Variants in ZSWIM6 observed in about 807,000 individuals in gnomAD.
ZSWIM6 encodes the protein zinc finger SWIM domain-containing protein 6.
In ZSWIM6, 9 loss-of-function variants were observed where a neutral mutation model predicts 113.2. The ratio of observed to expected loss-of-function variants is 0.08; its 90% CI spans 0.05 to 0.14. The LOEUF (loss-of-function observed/expected upper bound fraction) is 0.14. ZSWIM6 is among the 10% of genes least tolerant of loss of function. ZSWIM6 has a pLI of 1.00. For synonymous variants in ZSWIM6, 611 were observed against 606.5 expected (o/e 1.01, Z -0.11); for missense variants, 1,162 against 1,552.2 (o/e 0.75, Z 4.22).
intron 1 of ZSWIM6, among the ~76,000 whole-genome samples, chr5:61,422,063 T>C (rs1746365821): frequency 6.6e-6 from 1 of 152,230 alleles, no homozygotes; most frequent in African/African-American, 2.4e-5. Context: ...TTTTAAATAA[T>C]AAATTGATGT....
At chr5:61,494,782 C>A (rs899489661) in intron 4 of ZSWIM6, among the ~76,000 whole-genome samples, 1 of 152,092 alleles carries the variant, frequency 6.6e-6, no homozygotes, top group African/African-American at 2.4e-5. Flanking sequence ...TTTCTTCCCC[C>A]TTCTCCCCAC....
intron 1 of ZSWIM6, among the ~76,000 whole-genome samples, chr5:61,396,937 T>G (rs1249346133): frequency 6.6e-6 from 1 of 152,196 alleles, no homozygotes; most frequent in Non-Finnish European, 1.5e-5. Context: ...ATAATAACAA[T>G]AAATTTGTTT....
At chr5:61,395,670 G>T (rs1745823438) in intron 1 of ZSWIM6, among the ~76,000 whole-genome samples, 1 of 152,126 alleles carries the variant, frequency 6.6e-6, no homozygotes, top group East Asian at 1.9e-4. Context: ...TATCAGGAAA[G>T]ATTAATATTT....
chr5:61,430,692 T>C (rs1746561079), intron 1 of ZSWIM6, among the ~76,000 whole-genome samples: 1 of 152,188 alleles, frequency 6.6e-6, no homozygotes, highest in South Asian at 2.1e-4. Context: ...TAATCCCCTC[T>C]TATAGTGAGG....
rs192637092 is a variant in ZSWIM6 at position 61,443,944 on chromosome 5, A to T, written c.677-28737A>T. On this transcript the variant is annotated intron_variant, in intron 1 of 13. Transcript: ENST00000252744. ...GTTTGACTATAAGCTAAGACTTTTTAAAAAATTTTATTATTATTATACTTT... is the reference window on the plus strand; with the variant it reads ...GTTTGACTATAAGCTAAGACTTTTTTAAAAATTTTATTATTATTATACTTT... Among the ~76,000 whole-genome samples the T allele has an allele frequency of 5.0e-3, 768 of 152,204 alleles. 6 individuals are homozygous for T. Among genetic ancestry groups the T allele is most frequent in the Non-Finnish European group, 8.3e-3 (562 of 67,980 alleles).
chr5:61,369,632 C>T (rs571569506), intron 1 of ZSWIM6, among the ~76,000 whole-genome samples: 83 of 152,240 alleles, frequency 5.5e-4, no homozygotes, highest in African/African-American at 2.0e-3. Context: ...CTATTTATGT[C>T]TGCTTACTTG....
At chr5:61,496,453 C>G (rs1748317041) in intron 4 of ZSWIM6, among the ~76,000 whole-genome samples, 1 of 152,114 alleles carries the variant, frequency 6.6e-6, no homozygotes, top group Non-Finnish European at 1.5e-5. Context: ...AAAGGCTTTT[C>G]TTCTTAATAA....
chr5:61,513,126 C>T (rs1357935985), intron 4 of ZSWIM6, among the ~76,000 whole-genome samples: 1 of 152,082 alleles, frequency 6.6e-6, no homozygotes, highest in Non-Finnish European at 1.5e-5. Flanking sequence ...TGTTCCTATT[C>T]ATCTCTTCCT....
intron 1 of ZSWIM6, among the ~76,000 whole-genome samples, chr5:61,356,731 A>AAT (rs55676864): frequency 0.64 from 83,786 of 130,930 alleles, 27,364 homozygotes; most frequent in East Asian, 0.77. Flanking sequence ...CATAATATAT[A>AAT]ATATATATTA....
intron 5 of ZSWIM6, among the ~76,000 whole-genome samples, chr5:61,523,864 G>T (rs757528677): frequency 1.3e-5 from 2 of 152,094 alleles, no homozygotes; most frequent in African/African-American, 2.4e-5. Context: ...GTGTGTGTAC[G>T]CAACATTTCT....
chr5:61,526,057 A>G (rs1012338540), intron 6 of ZSWIM6, 81 bp downstream of exon 6: 20 of 1,490,260 alleles, frequency 1.3e-5, no homozygotes, highest in Non-Finnish European at 9.1e-7. Context: ...TGGGAGGTGG[A>G]GAACTGAAGG....
rs1268983438 is a variant in ZSWIM6, at chr5:61,543,721, C to A, written c.3052C>A (p.Leu1018Ile). ...IAFETAYQIVLDAATTGMSYT... is the reference protein window; with the variant it reads ...IAFETAYQIVIDAATTGMSYT... ...TTTTGAGACGGCGTACCAAATTGTT[C>A]TCGACGCTGCTACGACTGGCATGAG... The change falls in exon 14 of 14, where the codon CTC (leucine) becomes ATC (isoleucine). Residue 1018 changes from leucine (L) to isoleucine (I), a missense_variant. This residue lies in a region of ZSWIM6 where 620 missense variants were observed against 804.6 expected (regional missense o/e 0.77). Transcript: ENST00000252744. The surrounding 1 kb of genome is among the most constrained non-coding windows in gnomAD (Gnocchi z 4.3). 1 of 1,551,522 alleles carries A rather than the reference C, an allele frequency of 6.4e-7. No homozygotes were observed. Among genetic ancestry groups the A allele is most frequent in the Non-Finnish European group, 8.7e-7 (1 of 1,147,018 alleles).
intron 4 of ZSWIM6, among the ~76,000 whole-genome samples, chr5:61,516,872 T>TC (rs1748959744): frequency 6.6e-6 from 1 of 152,074 alleles, no homozygotes; most frequent in Non-Finnish European, 1.5e-5. Flanking sequence ...TTTTCCCTGA[T>TC]CTGGGTATGG....
chr5:61,436,575 ATTAC>A (rs1746712486), intron 1 of ZSWIM6, among the ~76,000 whole-genome samples: 1 of 152,180 alleles, frequency 6.6e-6, no homozygotes, highest in South Asian at 2.1e-4. Flanking sequence ...TTTGTATGAG[ATTAC>A]TTACTTCTAG....
chr5:61,439,418 G>T (rs1339282109), intron 1 of ZSWIM6, among the ~76,000 whole-genome samples: 1 of 152,208 alleles, frequency 6.6e-6, no homozygotes, highest in African/African-American at 2.4e-5. Context: ...TATTTTATGT[G>T]CAGGACTAGG....
chr5:61,353,935 GC>G (rs2112043015), intron 1 of ZSWIM6, among the ~76,000 whole-genome samples: 1 of 152,312 alleles, frequency 6.6e-6, no homozygotes, highest in Non-Finnish European at 1.5e-5. Context: ...GATTGTGTTG[GC>G]AGCCCTGTAG....
chr5:61,434,495 G>T (rs1011276299), intron 1 of ZSWIM6, among the ~76,000 whole-genome samples: 13 of 148,482 alleles, frequency 8.8e-5, no homozygotes, highest in Non-Finnish European at 1.6e-4. Context: ...TCATTCTTAT[G>T]CCTTCGCATC....
At position 61,333,162 on chromosome 5, in the gene ZSWIM6, G is replaced by C. The variant is rs547444231; in HGVS notation, c.676+214G>C. Among the ~76,000 whole-genome samples, 128 of 152,010 alleles carry C rather than the reference G, an allele frequency of 8.4e-4. 3 individuals are homozygous for C. The highest frequency in any genetic ancestry group is 6.7e-3 in the Admixed American group (103 of 15,308). ...TCGCCCCGGACGGGCCAGCGCGAGT[G>C]GGAAATGAATCAGCAGGACGCGCCC... On this transcript the variant is annotated intron_variant, in intron 1 of 13. Coordinates refer to ENST00000252744, the MANE Select transcript of ZSWIM6 (RefSeq NM_020928.2).
At chr5:61,362,050 C>T (rs987825352) in intron 1 of ZSWIM6, among the ~76,000 whole-genome samples, 1 of 152,140 alleles carries the variant, frequency 6.6e-6, no homozygotes, top group Non-Finnish European at 1.5e-5. Context: ...AAATATCAAG[C>T]GAGTATTCTT....
Sources: allele counts gnomAD v4.1 joint callset (sites outside exome capture counted in the v4.1 genomes callset), GRCh38; gene constraint gnomAD v4.1.1; regional missense constraint gnomAD v4.1.1; non-coding constraint Gnocchi (gnomAD v3.1); transcripts MANE v1.5; gene names NCBI Gene and HGNC (gene_info 2026-07-23, HGNC 2026-07-21).